Variants in FAM53B observed in about 807,000 individuals in gnomAD.
FAM53B encodes protein FAM53B.
A neutral mutation model predicts 32.7 loss-of-function variants in FAM53B; 12 were observed. That is an observed-to-expected ratio of 0.37 (90% CI 0.24 to 0.59). The LOEUF (loss-of-function observed/expected upper bound fraction) is 0.59, where lower values mean the gene tolerates loss of function less well. Among genes scored for constraint, FAM53B ranks in the 20% least tolerant of loss-of-function variants. The pLI is 0.72. For missense variants in FAM53B, 477 were observed against 577.7 expected (o/e 0.83, Z 1.79); for synonymous variants, 234 against 228.7 (o/e 1.02, Z -0.21).
chr10:124,650,555 A>G (rs1321138831), intron 4 of FAM53B, among the ~76,000 whole-genome samples: 1 of 152,206 alleles, frequency 6.6e-6, no homozygotes, highest in East Asian at 1.9e-4. Flanking sequence ...CTGTGAGGCA[A>G]GTTATTCTTC....
intron 3 of FAM53B, among the ~76,000 whole-genome samples, chr10:124,688,997 A>T (rs147953036): frequency 2.5e-3 from 381 of 152,352 alleles, no homozygotes; most frequent in African/African-American, 8.8e-3. Context: ...TCAAGTACAG[A>T]CCAAGATACG....
intron 4 of FAM53B, among the ~76,000 whole-genome samples, chr10:124,655,053 G>T (rs1032822856): frequency 2.0e-5 from 3 of 152,172 alleles, no homozygotes. Flanking sequence ...GGACAATCCC[G>T]TTTTAGATGA....
chr10:124,683,931 A>G (rs1949787844), intron 3 of FAM53B, among the ~76,000 whole-genome samples: 1 of 152,160 alleles, frequency 6.6e-6, no homozygotes, highest in South Asian at 2.1e-4. Flanking sequence ...TACTTGATTG[A>G]CTCAACGGGA....
intron 1 of FAM53B, among the ~76,000 whole-genome samples, chr10:124,735,218 G>A (rs1038582332): frequency 1.8e-4 from 27 of 152,166 alleles, no homozygotes; most frequent in Non-Finnish European, 7.4e-5. Context: ...TCTCAGTCTA[G>A]GTAGGTATGC....
chr10:124,662,493 TC>T (rs1949640011), intron 4 of FAM53B, among the ~76,000 whole-genome samples: 2 of 123,368 alleles, frequency 1.6e-5, no homozygotes, highest in Middle Eastern at 4.8e-3. Flanking sequence ...CATCCATCCA[TC>T]CATCCATCCA....
At chr10:124,639,697 C>T (rs1192647029) in intron 4 of FAM53B, among the ~76,000 whole-genome samples, 1 of 152,144 alleles carries the variant, frequency 6.6e-6, no homozygotes, top group Non-Finnish European at 1.5e-5. Context: ...TATATTTTCC[C>T]CTTTTGTTCA....
chr10:124,654,245 C>T (rs1949572497), intron 4 of FAM53B, among the ~76,000 whole-genome samples: 1 of 152,236 alleles, frequency 6.6e-6, no homozygotes, highest in African/African-American at 2.4e-5. Flanking sequence ...CATCGTCATG[C>T]AACGCTATGG....
intron 4 of FAM53B, among the ~76,000 whole-genome samples, chr10:124,627,139 C>G (rs1057330159): frequency 2.0e-5 from 3 of 152,240 alleles, no homozygotes; most frequent in African/African-American, 7.2e-5. Context: ...CTGTTTGCCC[C>G]AGCTGGTGGC....
chr10:124,736,424 G>C (rs978710011), intron 1 of FAM53B, among the ~76,000 whole-genome samples: 1 of 152,210 alleles, frequency 6.6e-6, no homozygotes, highest in South Asian at 2.1e-4. Flanking sequence ...CTTTTCCCCC[G>C]GGCTCAGGAG....
chr10:124,650,122 T>C (rs535814284), intron 4 of FAM53B, among the ~76,000 whole-genome samples: 2 of 152,314 alleles, frequency 1.3e-5, no homozygotes, highest in East Asian at 3.9e-4. Flanking sequence ...CTTATCTCCC[T>C]AATGGAGCTG....
At chr10:124,711,977 T>C (rs1950007154) in intron 1 of FAM53B, among the ~76,000 whole-genome samples, 1 of 152,118 alleles carries the variant, frequency 6.6e-6, no homozygotes, top group Non-Finnish European at 1.5e-5. Flanking sequence ...GCAAGATGGC[T>C]TGAGCCCAGG....
chr10:124,726,347 C>A (rs549655384), intron 1 of FAM53B, among the ~76,000 whole-genome samples: 1 of 152,282 alleles, frequency 6.6e-6, no homozygotes, highest in South Asian at 2.1e-4. Flanking sequence ...TGATCCTTGG[C>A]CTTCAGGAGC....
intron 4 of FAM53B, among the ~76,000 whole-genome samples, chr10:124,644,986 C>G (rs984294439): frequency 6.6e-6 from 1 of 152,342 alleles, no homozygotes; most frequent in East Asian, 1.9e-4. Flanking sequence ...GGGGGAGGAG[C>G]CACATGACTG....
chr10:124,723,986 C>T lies in FAM53B; in HGVS notation c.-174-17099G>A, dbSNP rs147903135. Among the ~76,000 whole-genome samples, 417 of 152,362 alleles carry T rather than the reference C, an allele frequency of 2.7e-3. 3 individuals are homozygous for T. Among genetic ancestry groups the T allele is most frequent in the Non-Finnish European group, 4.8e-3 (324 of 68,032 alleles). ...GGTATCAGTCTCGTCCCAAGTCCAA[C>T]ACGCACTAGGCTGGCTGTGCTAGGG... On this transcript the variant is annotated intron_variant, in intron 1 of 4. Transcript: ENST00000337318.
intron 4 of FAM53B, among the ~76,000 whole-genome samples, chr10:124,673,992 C>CA (rs1949722274): frequency 6.6e-6 from 1 of 152,216 alleles, no homozygotes; most frequent in Non-Finnish European, 1.5e-5. Context: ...GAGTGCCTCT[C>CA]AAACCCAGCT....
At position 124,681,757 on chromosome 10, in the gene FAM53B, T is replaced by C. The variant is rs779974324; in HGVS notation, c.756A>G (p.Ser252=). The change falls in exon 4 of 5, where the codon TCA becomes TCG. Residue 252 remains serine, a synonymous_variant. Transcript: ENST00000337318. ...CPPSANSTPA[S]TPELARRSSG... ...TGGAGCGTCTCGCCAGCTCTGGTGTTGAGGCAGGTGTGCTGTTGGCTGAGG... is the reference window on the plus strand; with the variant it reads ...TGGAGCGTCTCGCCAGCTCTGGTGTCGAGGCAGGTGTGCTGTTGGCTGAGG... 3.1e-6 allele frequency: 5 copies of C among 1,609,294 alleles called. No individual in the cohort carries two copies. The highest frequency in any genetic ancestry group is 4.2e-6 in the Non-Finnish European group (5 of 1,177,890).
intron 4 of FAM53B, among the ~76,000 whole-genome samples, chr10:124,650,740 C>T (rs1046465225): frequency 2.0e-5 from 3 of 152,124 alleles, no homozygotes; most frequent in Non-Finnish European, 2.9e-5. Context: ...CTGCAGATGA[C>T]CAATTTCCAG....
intron 1 of FAM53B, chr10:124,707,873 G>A (rs1056919132): frequency 1.3e-5 from 2 of 152,222 alleles, no homozygotes; most frequent in African/African-American, 2.4e-5. Flanking sequence ...TGAGCTTCCA[G>A]CAGTGATGGG....
At chr10:124,685,342 C>T (rs1949795988) in intron 3 of FAM53B, among the ~76,000 whole-genome samples, 1 of 152,220 alleles carries the variant, frequency 6.6e-6, no homozygotes, top group Non-Finnish European at 1.5e-5. Context: ...AGGTGCTGTG[C>T]CCTTGCTTAA....
Sources: gnomAD v4.1 joint callset for allele counts (sites outside exome capture counted in the v4.1 genomes callset) on GRCh38, gnomAD v4.1.1 for gene constraint, MANE v1.5 for transcripts, NCBI Gene and HGNC (gene_info 2026-07-23, HGNC 2026-07-21) for gene names.